The following PALM variants were observed in gnomAD, a reference collection of about 807,000 sequenced individuals.
PALM encodes paralemmin-1.
PALM carries 18 observed loss-of-function variants against 30.7 expected under a neutral mutation model. That is an observed-to-expected ratio of 0.59 (90% confidence interval 0.41 to 0.87). The LOEUF is 0.87. Among genes scored for constraint, PALM ranks in the 40% least tolerant of loss-of-function variants. PALM has a pLI of 0.00. For missense variants in PALM, 529 were observed against 555.4 expected (o/e 0.95, Z 0.48); for synonymous variants, 286 against 242.8 (o/e 1.18, Z -1.66).
Position 736,026 on chromosome 19 carries a change from A to C in PALM, c.450A>C (p.Arg150=). The C allele has an allele frequency of 1.2e-6, 2 of 1,608,652 alleles. No homozygotes were observed. The highest frequency in any genetic ancestry group is 4.5e-5 in the East Asian group (2 of 44,368). Residue 150 remains arginine, a synonymous_variant, in exon 7 of 9, where the codon CGA becomes CGC. Coordinates refer to ENST00000338448, the MANE Select transcript of PALM (RefSeq NM_002579.3). ...CTTCCACCTCCCGTGCAGACAAGCG[A>C]GTCTCCAACACGCCCCTGAGGACGG... ...QTPVGTPKDK[R]VSNTPLRTVD... is the part of the protein sequence containing the mutation.
chr19:739,515 C>CA (rs1030458170), intron 7 of PALM, among the ~76,000 whole-genome samples: 1 of 151,306 alleles, frequency 6.6e-6, no homozygotes, highest in African/African-American at 2.4e-5. Context: ...CCCCCATTTC[C>CA]AAAAAAGATA....
At chr19:714,358 CTTTTTTTTTTTT>C (rs34617281) in intron 1 of PALM, among the ~76,000 whole-genome samples, 2 of 104,592 alleles carry the variant, frequency 1.9e-5, no homozygotes, top group Non-Finnish European at 3.9e-5. Context: ...TTTTTTCTTT[CTTTTTTTTTTTT>C]TTTTTTCAGA....
At chr19:719,520 G>C in intron 1 of PALM, 1 of 985,546 alleles carries the variant, frequency 1.0e-6, no homozygotes, top group Non-Finnish European at 1.2e-6. Context: ...CGGCTGCCGG[G>C]AGCCAGGGAG....
chr19:743,008 G>A (rs999297328), intron 8 of PALM, among the ~76,000 whole-genome samples: 6 of 152,174 alleles, frequency 3.9e-5, no homozygotes, highest in Non-Finnish European at 7.3e-5. Flanking sequence ...CGTTCCCACA[G>A]GTCGTGGATG....
intron 7 of PALM, among the ~76,000 whole-genome samples, chr19:739,116 T>C (rs2033111126): frequency 6.6e-6 from 1 of 152,082 alleles, no homozygotes; most frequent in African/African-American, 2.4e-5. Flanking sequence ...CTCTGTGTGG[T>C]TTCTGCAGGA....
intron 1 of PALM, among the ~76,000 whole-genome samples, chr19:714,318 G>A (rs1404810121): frequency 3.3e-5 from 5 of 150,378 alleles, no homozygotes; most frequent in African/African-American, 4.9e-5. Context: ...GGGATTACAC[G>A]CATGAGCCAC....
intron 8 of PALM, among the ~76,000 whole-genome samples, chr19:741,143 G>A (rs1389181017): frequency 6.6e-6 from 1 of 151,896 alleles, no homozygotes; most frequent in Non-Finnish European, 1.5e-5. Context: ...TGTCTCTTAA[G>A]AATAAAAAAT....
Position 740,380 on chromosome 19 carries a change from GA to G in PALM, c.533del (p.Lys178ArgfsTer4). On this transcript the variant is annotated frameshift_variant, in exon 8 of 9. Coordinates refer to ENST00000338448, the MANE Select transcript of PALM (RefSeq NM_002579.3). LOFTEE classifies it high-confidence loss of function. ...TGTACTCGGTTGAGATCACTGTGGA[GA>G]AGGACAAGGTGACAGGGGAGACCAG... ...AMYSVEITVE[K>X]DKVTGETRVL... 6.4e-7 allele frequency: 1 copy of G among 1,564,322 alleles called. No homozygotes were observed. The highest frequency in any genetic ancestry group is 8.7e-7 in the Non-Finnish European group (1 of 1,154,018).
chr19:726,965 G>GGGGACGCGGGC, intron 2 of PALM, 43 bp from the exon 3 acceptor site: 1 of 1,037,618 alleles, frequency 9.6e-7, no homozygotes, highest in Admixed American at 2.2e-5. Flanking sequence ...GGGTCTCCGG[G>GGGGACGCGGGC]ACCCCCACGC....
chr19:719,477 G>C, intron 1 of PALM: 2 of 985,168 alleles, frequency 2.0e-6, no homozygotes, highest in Non-Finnish European at 2.4e-6. Context: ...GGTGGGCGTC[G>C]GGCGGGGGGC....
chr19:709,072 C>T lies in PALM; in HGVS notation c.-75C>T. Reference sequence around the variant, plus strand: ...GCCCCCGCCAGGCCGCGTCCCCCTCCCCTCCCCTCCCCCGCGCGCCACCCG... The same window carrying T: ...GCCCCCGCCAGGCCGCGTCCCCCTCTCCTCCCCTCCCCCGCGCGCCACCCG... On this transcript the variant is annotated 5_prime_UTR_variant, in exon 1 of 9. Transcript: ENST00000338448. The surrounding 1 kb of genome is among the most constrained non-coding windows in gnomAD (Gnocchi z 4.3). The T allele has an allele frequency of 4.2e-6, 1 of 237,660 alleles. No homozygotes were observed. Among genetic ancestry groups the T allele is most frequent in the Non-Finnish European group, 8.1e-6 (1 of 123,930 alleles). The allele number at this position is 237,660 out of a possible 1,614,324, so 14.7% of individuals were successfully genotyped here.
At position 746,956 on chromosome 19, in the gene PALM, T is replaced by G. The variant is rs1436134929; in HGVS notation, c.*142T>G. ...GTTACATGTTCCTTCCGAGTTTTCT[T>G]TCGCTGGAAAGAGGGACAGGGGCCC... On this transcript the variant is annotated 3_prime_UTR_variant, in exon 9 of 9. Coordinates refer to ENST00000338448, the MANE Select transcript of PALM (RefSeq NM_002579.3). This position sits in a 1 kb window ranked among gnomAD's most constrained non-coding sequence, Gnocchi z 7.1. 1 of 628,468 alleles carries G rather than the reference T, an allele frequency of 1.6e-6. No individual in the cohort carries two copies. The highest frequency in any genetic ancestry group is 2.8e-5 in the East Asian group (1 of 36,250). The allele number at this position is 628,468 out of a possible 1,614,324, so 38.9% of individuals were successfully genotyped here. A position where few individuals can be genotyped will look rare whatever the true frequency, so the allele number is the denominator to read the frequency against.
chr19:723,157 C>T (rs1037001586), intron 1 of PALM, among the ~76,000 whole-genome samples: 5 of 151,926 alleles, frequency 3.3e-5, no homozygotes, highest in Non-Finnish European at 5.9e-5. Flanking sequence ...ACAAGGGGGA[C>T]GTCATAGGAG....
intron 1 of PALM, chr19:719,130 G>C (rs74337518): frequency 3.0e-6 from 3 of 985,216 alleles, no homozygotes; most frequent in South Asian, 4.7e-5. Context: ...CCCGGGCAGG[G>C]ACCCCCTCGT....
rs559638685 is a variant in PALM at position 734,061 on chromosome 19, C to T, written c.421-112C>T. Reference sequence around the variant, plus strand: ...AAGAGGATAGGATGAGAAGCGGGTGCGTATGACGTCACCCACTGTGCCATG... The same window carrying T: ...AAGAGGATAGGATGAGAAGCGGGTGTGTATGACGTCACCCACTGTGCCATG... On this transcript the variant is annotated intron_variant, in intron 5 of 8. Transcript: ENST00000338448. The T allele has an allele frequency of 5.0e-4, 433 of 862,454 alleles. 1 individual carries two copies. In the African/African-American group the frequency reaches 5.4e-3, roughly 11 times the overall value. The allele number at this position is 862,454 out of a possible 1,614,324, so 53.4% of individuals were successfully genotyped here.
At chr19:712,670 G>T (rs1005313865) in intron 1 of PALM, among the ~76,000 whole-genome samples, 26 of 144,014 alleles carry the variant, frequency 1.8e-4, no homozygotes, top group Non-Finnish European at 1.1e-4. Flanking sequence ...GGTGTGAGCC[G>T]CCATGCCTGG....
At chr19:712,706 C>G in intron 1 of PALM, among the ~76,000 whole-genome samples, 1 of 147,164 alleles carries the variant, frequency 6.8e-6, no homozygotes, top group East Asian at 2.0e-4. Flanking sequence ...GACAGAGTCT[C>G]TCTCTGTCAC....
At position 713,911 on chromosome 19, in the gene PALM, T is replaced by TC. The variant is rs771914743; in HGVS notation, c.5+4760_5+4761insC. ...TTCTTTTTTTCTTTCTTTCTTTCTT[T>TC]TTTTTTTTTTTGAGACAGAGTCTCG... On this transcript the variant is annotated intron_variant, in intron 1 of 8. Transcript: ENST00000338448. 2.8e-3 allele frequency among the ~76,000 whole-genome samples: 395 copies of TC among 142,688 alleles called. 1 individual carries two copies. Among genetic ancestry groups the TC allele is most frequent in the Non-Finnish European group, 3.4e-3 (220 of 65,198 alleles). The allele number at this position is 142,688 out of a possible 152,430, so 93.6% of individuals were successfully genotyped here. A position where few individuals can be genotyped will look rare whatever the true frequency, so the allele number is the denominator to read the frequency against.
chr19:716,470 G>A (rs2032263786), intron 1 of PALM, among the ~76,000 whole-genome samples: 2 of 152,054 alleles, frequency 1.3e-5, no homozygotes, highest in Non-Finnish European at 2.9e-5. Flanking sequence ...TGAGTGGGAG[G>A]CGCTGCATGG....
Sources: gnomAD v4.1 joint callset for allele counts (sites outside exome capture counted in the v4.1 genomes callset) on GRCh38, gnomAD v4.1.1 for gene constraint, Gnocchi (gnomAD v3.1) non-coding constraint, MANE v1.5 for transcripts, NCBI Gene and HGNC (gene_info 2026-07-23, HGNC 2026-07-21) for gene names.